The following MCRIP2 variants were observed in gnomAD, a reference collection of about 807,000 sequenced individuals.
MCRIP2 encodes MAPK regulated corepressor interacting protein 2.
MCRIP2 carries 21 observed loss-of-function variants against 23.2 expected under a neutral mutation model. The observed-to-expected ratio is 0.90, with a 90% CI of 0.64 to 1.30. The LOEUF is 1.30. MCRIP2 is among the 50% of genes most tolerant of loss of function. MCRIP2 has a pLI of 0.00. For synonymous variants in MCRIP2, 121 were observed against 100.2 expected (o/e 1.21, Z -1.24); for missense variants, 234 against 223.2 (o/e 1.05, Z -0.31).
intron 2 of MCRIP2, among the ~76,000 whole-genome samples, chr16:643,397 A>C (rs916824514): frequency 6.6e-6 from 1 of 151,896 alleles, no homozygotes. Context: ...TTCTCTCTCC[A>C]AGACCCCACT....
In MCRIP2 at chr16:641,986, C is replaced by T. The variant is rs1555459567; in HGVS notation, c.-6C>T. On this transcript the variant is annotated 5_prime_UTR_variant, in exon 1 of 5. Coordinates refer to ENST00000307650, the MANE Select transcript of MCRIP2 (RefSeq NM_138418.4). ...GGGGCCGGCGGCGGTGTGGGAGCGGCGCGTCATGTACACCATCACCAAGGG... is the reference window on the plus strand; with the variant it reads ...GGGGCCGGCGGCGGTGTGGGAGCGGTGCGTCATGTACACCATCACCAAGGG... 2.3e-6 allele frequency: 3 copies of T among 1,317,930 alleles called. No individual in the cohort carries two copies. The highest frequency in any genetic ancestry group is 3.9e-5 in the Admixed American group (1 of 25,456). The allele number at this position is 1,317,930 out of a possible 1,614,324, so 81.6% of individuals were successfully genotyped here.
In MCRIP2 at chr16:642,060, G is replaced by A; in HGVS notation, c.52+17G>A. On this transcript the variant is annotated intron_variant, in intron 1 of 4. Transcript: ENST00000307650. ...GCCGCACAGGTGCGCACGGGCCGGGGAACGGGAACGGGGACGGGGCGGGGC... is the reference window on the plus strand; with the variant it reads ...GCCGCACAGGTGCGCACGGGCCGGGAAACGGGAACGGGGACGGGGCGGGGC... The A allele has an allele frequency of 4.6e-6, 6 of 1,317,346 alleles. No individual in the cohort carries two copies. Among genetic ancestry groups the A allele is most frequent in the Middle Eastern group, 2.7e-4 (1 of 3,698 alleles). The allele number at this position is 1,317,346 out of a possible 1,614,324, so 81.6% of individuals were successfully genotyped here.
chr16:643,791 C>A (rs557673486), intron 2 of MCRIP2, among the ~76,000 whole-genome samples: 1 of 152,200 alleles, frequency 6.6e-6, no homozygotes, highest in Non-Finnish European at 1.5e-5. Flanking sequence ...CTCAGCCCCC[C>A]AAAGTGCTGG....
At position 648,148 on chromosome 16, in the gene MCRIP2, G is replaced by A; in HGVS notation, c.441G>A (p.Trp147Ter). The change falls in exon 5 of 5, where the codon TGG becomes TGA. Residue 147 changes from tryptophan (W) to a stop codon, truncating the protein, a stop_gained. Coordinates refer to ENST00000307650, the MANE Select transcript of MCRIP2 (RefSeq NM_138418.4). LOFTEE classifies it high-confidence loss of function. ...QNFVPIDLDE[W>*]WAQQFLARIT... ...TTGTGCCCATTGACCTAGACGAGTG[G>A]TGGGCGCAGCAGTTCCTGGCGAGAA... 2.5e-6 allele frequency: 4 copies of A among 1,611,214 alleles called. No individual in the cohort carries two copies. Among genetic ancestry groups the A allele is most frequent in the Non-Finnish European group, 3.4e-6 (4 of 1,179,070 alleles).
chr16:643,286 G>C (rs2037396652), intron 2 of MCRIP2: 1 of 152,238 alleles, frequency 6.6e-6, no homozygotes, highest in African/African-American at 2.4e-5. Context: ...GGAGGAAACC[G>C]AGGCACACCT....
rs1483935968 is a variant in MCRIP2 at position 641,983 on chromosome 16, C to T, written c.-9C>T. On this transcript the variant is annotated 5_prime_UTR_variant, in exon 1 of 5. Transcript: ENST00000307650. ...CCGGGGGCCGGCGGCGGTGTGGGAGCGGCGCGTCATGTACACCATCACCAA... is the reference window on the plus strand; with the variant it reads ...CCGGGGGCCGGCGGCGGTGTGGGAGTGGCGCGTCATGTACACCATCACCAA... 17 of 1,315,586 alleles carry T rather than the reference C, an allele frequency of 1.3e-5. No homozygotes were observed. The highest frequency in any genetic ancestry group is 2.0e-5 in the South Asian group (1 of 49,240). 81.5% of individuals were successfully genotyped at this position (1,315,586 alleles called of 1,614,324 possible).
At chr16:645,991 C>G (rs2037470770) in intron 2 of MCRIP2, 1 of 152,234 alleles carries the variant, frequency 6.6e-6, no homozygotes, top group African/African-American at 2.4e-5. Flanking sequence ...CCTCCCTGGG[C>G]TGAAGTTTGC....
chr16:648,043 G>C (rs2037547983), intron 4 of MCRIP2, 77 bp from the exon 5 acceptor site: 1 of 1,433,934 alleles, frequency 7.0e-7, no homozygotes, highest in Non-Finnish European at 9.5e-7. Context: ...CGGGTGAGCG[G>C]CTTGTGGTTA....
At chr16:643,768 A>G (rs966616668) in intron 2 of MCRIP2, among the ~76,000 whole-genome samples, 1 of 152,038 alleles carries the variant, frequency 6.6e-6, no homozygotes, top group African/African-American at 2.4e-5. Flanking sequence ...TCCTGACCTC[A>G]TGATCCACCC....
chr16:644,665 C>T (rs1475129373), intron 2 of MCRIP2, among the ~76,000 whole-genome samples: 4 of 152,082 alleles, frequency 2.6e-5, no homozygotes, highest in East Asian at 1.9e-4. Context: ...GTATTCAATT[C>T]CTGGGCTCGA....
chr16:643,659 C>T (rs910712428), intron 2 of MCRIP2, among the ~76,000 whole-genome samples: 1 of 151,364 alleles, frequency 6.6e-6, no homozygotes, highest in Non-Finnish European at 1.5e-5. Context: ...ATTCTCCTGC[C>T]TCAGTCTCTT....
intron 4 of MCRIP2, 58 bp downstream of exon 4, chr16:647,942 C>T: frequency 1.6e-6 from 2 of 1,231,454 alleles, no homozygotes; most frequent in Non-Finnish European, 2.3e-6. Flanking sequence ...TGATCCTGAC[C>T]CAGGCCCTGC....
rs754851197 is a variant in MCRIP2, at chr16:648,263, A to G, written c.*73A>G. 19 of 1,448,302 alleles carry G rather than the reference A, an allele frequency of 1.3e-5. No individual in the cohort carries two copies. The African/African-American group carries it at 2.2e-4, about 17-fold the overall frequency. 89.7% of individuals were successfully genotyped at this position (1,448,302 alleles called of 1,614,324 possible). On this transcript the variant is annotated 3_prime_UTR_variant, in exon 5 of 5. Transcript: ENST00000307650. ...GAGAAGCATGGCGCCCTGCCCACCC[A>G]CTGCGCCTGGCTGGGTGCCGGCCAC...
At chr16:648,072 C>T (rs1363863857) in intron 4 of MCRIP2, 48 bp from the exon 5 acceptor site, 32 of 1,537,330 alleles carry the variant, frequency 2.1e-5, no homozygotes, top group Middle Eastern at 1.7e-4. Flanking sequence ...GGAGACTTGC[C>T]GGCTGGCCTG....
chr16:642,350 G>A (rs1163833635), intron 2 of MCRIP2, 101 bp downstream of exon 2: 5 of 1,059,814 alleles, frequency 4.7e-6, no homozygotes, highest in African/African-American at 1.7e-5. Flanking sequence ...AGTGAGGTCC[G>A]GCCACGTGCT....
Position 641,838 on chromosome 16 carries a change from C to A in MCRIP2, c.-154C>A. The A allele has an allele frequency of 1.6e-6, 1 of 634,478 alleles. No individual in the cohort carries two copies. The highest frequency in any genetic ancestry group is 2.2e-6 in the Non-Finnish European group (1 of 450,480). 39.3% of individuals were successfully genotyped at this position (634,478 alleles called of 1,614,324 possible). A position where few individuals can be genotyped will look rare whatever the true frequency, so the allele number is the denominator to read the frequency against. ...GCAAGCGCCGCCTCCGCCGCGTGTC[C>A]GGGGTCAGCCCGAGCCCGTGCGGGC... On this transcript the variant is annotated 5_prime_UTR_variant, in exon 1 of 5. Transcript: ENST00000307650.
intron 3 of MCRIP2, 116 bp from the exon 4 acceptor site, chr16:647,667 C>G (rs901944049): frequency 1.3e-6 from 2 of 1,524,792 alleles, no homozygotes; most frequent in Non-Finnish European, 1.8e-6. Context: ...TGGCACTCTG[C>G]CCTTGTGTCC....
chr16:646,731 C>T lies in MCRIP2; in HGVS notation c.183-686C>T, dbSNP rs1014272657. 1 of 152,260 alleles carries T rather than the reference C, an allele frequency of 6.6e-6. No individual in the cohort carries two copies. The highest frequency in any genetic ancestry group is 1.9e-4 in the East Asian group (1 of 5,182). The allele number at this position is 152,260 out of a possible 1,614,324, so 9.4% of individuals were successfully genotyped here. A position where few individuals can be genotyped will look rare whatever the true frequency, so the allele number is the denominator to read the frequency against. ...GGGACGGGCCCAGGGGCCCACCAGA[C>T]GTTGCGTGCGGCACTGCGGGAGCCA... On this transcript the variant is annotated intron_variant, in intron 2 of 4. Transcript: ENST00000307650. This position sits in a 1 kb window ranked among gnomAD's most constrained non-coding sequence, Gnocchi z 6.5.
At chr16:642,339 T>C in intron 2 of MCRIP2, 90 bp downstream of exon 2, 1 of 1,081,204 alleles carries the variant, frequency 9.2e-7, no homozygotes, top group Non-Finnish European at 1.1e-6. Flanking sequence ...GGGGAAATGT[T>C]AGTGAGGTCC....
Sources: gnomAD v4.1 joint callset for allele counts (sites outside exome capture counted in the v4.1 genomes callset) on GRCh38, gnomAD v4.1.1 for gene constraint, Gnocchi (gnomAD v3.1) non-coding constraint, MANE v1.5 for transcripts, NCBI Gene and HGNC (gene_info 2026-07-23, HGNC 2026-07-21) for gene names.